The following FRMPD4 variants were observed in gnomAD, a reference collection of about 807,000 sequenced individuals.
The protein encoded by FRMPD4 is FERM and PDZ domain-containing protein 4.
A neutral mutation model predicts 94.1 loss-of-function variants in FRMPD4; 22 were observed. The observed-to-expected ratio is 0.23, with a 90% CI of 0.17 to 0.33. The LOEUF is 0.33. FRMPD4 is among the 10% of genes least tolerant of loss of function. FRMPD4 has a pLI of 1.00. For missense variants in FRMPD4, 1,111 were observed against 1,339.9 expected (o/e 0.83, Z 2.67); for synonymous variants, 631 against 548.6 (o/e 1.15, Z -2.10).
chrX:12,254,952 C>T (rs1304937151), intron 1 of FRMPD4, among the ~76,000 whole-genome samples: 2 of 111,295 alleles, frequency 1.8e-5, no homozygotes, highest in African/African-American at 6.5e-5. Context: ...TCACTTCATG[C>T]TCACTCTTAC....
intron 4 of FRMPD4, 51 bp from the exon 5 acceptor site, chrX:12,674,812 G>A (rs778238913): frequency 1.3e-6 from 1 of 761,141 alleles, no homozygotes; most frequent in African/African-American, 2.0e-5. Flanking sequence ...TTACTAGTTA[G>A]AGTCCGGGCT....
intron 3 of FRMPD4, among the ~76,000 whole-genome samples, chrX:12,037,880 G>A (rs1043239435): frequency 9.9e-5 from 11 of 111,544 alleles, no homozygotes; most frequent in Non-Finnish European, 2.1e-4. Context: ...ATGGCCTCCA[G>A]CTCCATCCAC....
At chrX:12,363,966 T>C (rs1332756397) in intron 1 of FRMPD4, among the ~76,000 whole-genome samples, 3 of 111,703 alleles carry the variant, frequency 2.7e-5, no homozygotes, top group Admixed American at 1.9e-4. Flanking sequence ...CTAAGTTTCA[T>C]TCAAACAACA....
chrX:12,266,745 G>T (rs1383134417), intron 1 of FRMPD4, among the ~76,000 whole-genome samples: 2 of 111,416 alleles, frequency 1.8e-5, no homozygotes, highest in African/African-American at 6.5e-5. Flanking sequence ...GCATGCTTTT[G>T]TGTTTGCATT....
At chrX:12,322,327 AC>A (rs779032721) in intron 1 of FRMPD4, among the ~76,000 whole-genome samples, 12 of 111,571 alleles carry the variant, frequency 1.1e-4, no homozygotes, top group African/African-American at 3.9e-4. Flanking sequence ...TTATCTCCCA[AC>A]AAGGAAATAA....
At chrX:12,243,647 A>G (rs776335974) in intron 1 of FRMPD4, among the ~76,000 whole-genome samples, 2 of 108,899 alleles carry the variant, frequency 1.8e-5, no homozygotes, top group Non-Finnish European at 1.9e-5. Context: ...GAGGAAACAA[A>G]CCTAGTTTTT....
intron 1 of FRMPD4, among the ~76,000 whole-genome samples, chrX:12,263,056 C>G (rs760974814): frequency 9.0e-6 from 1 of 111,530 alleles, no homozygotes; most frequent in Non-Finnish European, 1.9e-5. Context: ...GTTTCTTCCT[C>G]TTAAGCTAAC....
intron 1 of FRMPD4, among the ~76,000 whole-genome samples, chrX:12,176,282 A>G (rs931732483): frequency 2.7e-5 from 3 of 111,945 alleles, no homozygotes; most frequent in Admixed American, 9.5e-5. Flanking sequence ...TAAATTTGTT[A>G]GTATTAATAA....
intron 1 of FRMPD4, among the ~76,000 whole-genome samples, chrX:12,314,452 G>A (rs1446178880): frequency 2.7e-5 from 3 of 110,726 alleles, no homozygotes; most frequent in Non-Finnish European, 3.8e-5. Flanking sequence ...TTACAAAATC[G>A]GTTTTGGGAG....
rs774809247 is a variant in FRMPD4 at position 11,876,032 on chromosome X, T to C, written c.-29-1863T>C. Among the ~76,000 whole-genome samples, 735 of 108,884 alleles carry C rather than the reference T, an allele frequency of 6.8e-3. 16 individuals carry two copies. Among genetic ancestry groups the C allele is most frequent in the African/African-American group, 0.024 (707 of 29,424 alleles). 94.6% of individuals were successfully genotyped at this position (108,884 alleles called of 115,157 possible). The stretch of plus-strand genomic sequence containing the variant: ...CTGGGACTACAGGCACCCACCACCA[T>C]GCCCGGCTAATTTTTGTATTTTTAG... On this transcript the variant is annotated intron_variant, in intron 2 of 18. Transcript: ENST00000640291.
chrX:12,486,164 T>C (rs1413068690), intron 1 of FRMPD4, among the ~76,000 whole-genome samples: 1 of 110,614 alleles, frequency 9.0e-6, no homozygotes, highest in Non-Finnish European at 1.9e-5. Context: ...TTCAGGAATG[T>C]ATAAGGGGCT....
At chrX:12,659,682 C>T (rs2059695168) in intron 4 of FRMPD4, among the ~76,000 whole-genome samples, 1 of 112,701 alleles carries the variant, frequency 8.9e-6, no homozygotes. Context: ...TAAATATTTG[C>T]TGAAGGAATG....
intron 1 of FRMPD4, among the ~76,000 whole-genome samples, chrX:12,400,106 A>G (rs2056592037): frequency 1.8e-5 from 2 of 112,275 alleles, no homozygotes; most frequent in African/African-American, 3.2e-5. Context: ...TGACGCAGGC[A>G]TACTACTTAT....
At chrX:12,303,923 A>T (rs1195348231) in intron 1 of FRMPD4, among the ~76,000 whole-genome samples, 1 of 111,822 alleles carries the variant, frequency 8.9e-6, no homozygotes, top group Non-Finnish European at 1.9e-5. Flanking sequence ...AATCTGTATT[A>T]TGTTCAACAT....
At chrX:12,418,878 A>G (rs1279936267) in intron 1 of FRMPD4, among the ~76,000 whole-genome samples, 1 of 111,420 alleles carries the variant, frequency 9.0e-6, no homozygotes, top group African/African-American at 3.3e-5. Flanking sequence ...AAGATGTTAC[A>G]TTTATTTTTG....
At chrX:12,348,813 T>C (rs1056171678) in intron 1 of FRMPD4, among the ~76,000 whole-genome samples, 4 of 111,877 alleles carry the variant, frequency 3.6e-5, no homozygotes, top group African/African-American at 9.8e-5. Context: ...GTCAGAGTTA[T>C]GATGTTCCCC....
At chrX:12,325,546 A>T (rs2055273968) in intron 1 of FRMPD4, among the ~76,000 whole-genome samples, 1 of 112,821 alleles carries the variant, frequency 8.9e-6, no homozygotes, top group Admixed American at 9.4e-5. Context: ...GCCGTATAGC[A>T]TGAAAGCAGC....
intron 4 of FRMPD4, among the ~76,000 whole-genome samples, chrX:12,668,012 A>G (rs1183514053): frequency 8.9e-6 from 1 of 112,401 alleles, no homozygotes; most frequent in Non-Finnish European, 1.9e-5. Context: ...ATGAAATAAT[A>G]CTTATCTAAA....
At chrX:12,465,058 T>C (rs934856694) in intron 1 of FRMPD4, among the ~76,000 whole-genome samples, 1 of 112,202 alleles carries the variant, frequency 8.9e-6, no homozygotes, top group African/African-American at 3.2e-5. Flanking sequence ...TTTCTCTAAG[T>C]GTACTATATA....
Sources: gnomAD v4.1 joint callset for allele counts (sites outside exome capture counted in the v4.1 genomes callset) on GRCh38, gnomAD v4.1.1 for gene constraint, MANE v1.5 for transcripts, NCBI Gene and HGNC (gene_info 2026-07-23, HGNC 2026-07-21) for gene names.